DNAI4: variants seen among roughly 807,000 people sequenced by gnomAD.
DNAI4 encodes the protein WD repeat domain 78.
A neutral mutation model predicts 105.8 loss-of-function variants in DNAI4; 85 were observed. That is an observed-to-expected ratio of 0.80 (90% CI 0.67 to 0.96). The LOEUF is 0.96. DNAI4 is among the 40% of genes least tolerant of loss of function. DNAI4 has a pLI of 0.00. For missense variants in DNAI4, 1,014 were observed against 1,005.6 expected, an observed-to-expected ratio of 1.01 and a Z score of -0.11; for synonymous variants, 352 against 331.5, an observed-to-expected ratio of 1.06 and a Z score of -0.67.
At chr1:66,874,751 A>G in intron 5 of DNAI4, 30 bp downstream of exon 5, 1 of 1,579,786 alleles carries the variant, frequency 6.3e-7, no homozygotes. Flanking sequence ...TGAATTACAG[A>G]AACAATGTAG....
At chr1:66,922,765 T>A (rs900218443) in intron 1 of DNAI4, among the ~76,000 whole-genome samples, 1 of 152,224 alleles carries the variant, frequency 6.6e-6, no homozygotes, top group Non-Finnish European at 1.5e-5. Flanking sequence ...ATTTGCCATT[T>A]ACTAAAATGA....
intron 1 of DNAI4, among the ~76,000 whole-genome samples, chr1:66,921,013 A>C (rs1650442275): frequency 6.6e-6 from 1 of 152,252 alleles, no homozygotes; most frequent in Non-Finnish European, 1.5e-5. Context: ...GTACAAAAAC[A>C]GTGTGAAGAG....
In DNAI4 at chr1:66,812,900, C is replaced by A. The variant is rs963417461; in HGVS notation, c.*1230G>T. ...AAGGAACACATTTTTTCAGTTAGAT[C>A]AAGTTTTTTATTTTCTTACACAAGG... On this transcript the variant is annotated 3_prime_UTR_variant, in exon 17 of 17. Transcript: ENST00000371026. The A allele has an allele frequency of 7.2e-5, 11 of 152,250 alleles. No individual in the cohort carries two copies. Among genetic ancestry groups the A allele is most frequent in the African/African-American group, 2.7e-4 (11 of 41,426 alleles). 9.4% of individuals were successfully genotyped at this position (152,250 alleles called of 1,614,324 possible).
chr1:66,816,822 T>C (rs1240565210), intron 16 of DNAI4, among the ~76,000 whole-genome samples: 1 of 151,306 alleles, frequency 6.6e-6, no homozygotes, highest in Non-Finnish European at 1.5e-5. Flanking sequence ...TTTCTGCTTG[T>C]AGAGCATACT....
intron 1 of DNAI4, among the ~76,000 whole-genome samples, chr1:66,910,857 GA>G (rs1649606392): frequency 6.6e-6 from 1 of 152,096 alleles, no homozygotes; most frequent in Non-Finnish European, 1.5e-5. Flanking sequence ...CCCAAGTGTG[GA>G]AAAAACATAA....
chr1:66,909,277 C>CCT (rs1451798536), intron 1 of DNAI4, among the ~76,000 whole-genome samples: 1 of 140,968 alleles, frequency 7.1e-6, no homozygotes. Context: ...ATTGTTGCCA[C>CCT]CTCTCTCTAC....
chr1:66,837,758 T>C lies in DNAI4; in HGVS notation c.1533A>G (p.Lys511=). The stretch of plus-strand genomic sequence containing the variant: ...AGCAAGCCAGTCCTCTTTTTTGCTC[T>C]TTAAATCCAAAGTGCCCATAGCCAA... ...LAVGYGHFGF[K]EQKRGLACCW... Residue 511 remains lysine, a synonymous_variant, in exon 10 of 17, where the codon AAA becomes AAG. Transcript: ENST00000371026. The C allele has an allele frequency of 6.2e-7, 1 of 1,609,580 alleles. No homozygotes were observed. The highest frequency in any genetic ancestry group is 8.5e-7 in the Non-Finnish European group (1 of 1,178,562).
At chr1:66,817,449 T>A (rs889356684) in intron 16 of DNAI4, among the ~76,000 whole-genome samples, 1 of 152,164 alleles carries the variant, frequency 6.6e-6, no homozygotes, top group Non-Finnish European at 1.5e-5. Flanking sequence ...GGTATGCACC[T>A]GTAGTCCCAG....
At chr1:66,886,866 G>A (rs1328102163) in intron 4 of DNAI4, among the ~76,000 whole-genome samples, 1 of 152,116 alleles carries the variant, frequency 6.6e-6, no homozygotes, top group Non-Finnish European at 1.5e-5. Context: ...AGAAATAAAG[G>A]CTGGTGCTAG....
At chr1:66,852,456 T>C (rs973229755) in intron 7 of DNAI4, among the ~76,000 whole-genome samples, 61 of 152,056 alleles carry the variant, frequency 4.0e-4, no homozygotes, top group African/African-American at 1.5e-3. Flanking sequence ...AACATCAACA[T>C]AAAAATCCTT....
chr1:66,820,007 A>G (rs568402391), intron 16 of DNAI4, among the ~76,000 whole-genome samples: 28 of 152,196 alleles, frequency 1.8e-4, no homozygotes, highest in Non-Finnish European at 2.9e-4. Flanking sequence ...ATTTGGATTC[A>G]CTTAAACATT....
At chr1:66,837,399 G>GATCTTAA (rs1646050642) in intron 10 of DNAI4, among the ~76,000 whole-genome samples, 1 of 149,134 alleles carries the variant, frequency 6.7e-6, no homozygotes, top group Non-Finnish European at 1.5e-5. Context: ...ATTTTCAAAG[G>GATCTTAA]ATTTTCATTT....
intron 7 of DNAI4, among the ~76,000 whole-genome samples, chr1:66,861,375 A>G (rs1389529636): frequency 6.6e-6 from 1 of 152,216 alleles, no homozygotes; most frequent in African/African-American, 2.4e-5. Context: ...ATTTTGTAAG[A>G]AAAAGATACA....
chr1:66,907,520 A>C (rs969909667), intron 1 of DNAI4, among the ~76,000 whole-genome samples: 2 of 152,164 alleles, frequency 1.3e-5, no homozygotes, highest in Non-Finnish European at 2.9e-5. Context: ...GTTTAGGCTC[A>C]AATCTTAGTT....
chr1:66,861,560 A>G (rs1646626657), intron 7 of DNAI4, among the ~76,000 whole-genome samples: 1 of 152,234 alleles, frequency 6.6e-6, no homozygotes. Flanking sequence ...AAATTAAAAT[A>G]CTAGAAGCTA....
intron 6 of DNAI4, among the ~76,000 whole-genome samples, chr1:66,867,984 C>T (rs1443374944): frequency 6.6e-6 from 1 of 152,148 alleles, no homozygotes. Flanking sequence ...CCATACCATT[C>T]CTGTACAGAT....
chr1:66,833,953 C>A, intron 12 of DNAI4, 38 bp downstream of exon 12: 1 of 1,556,240 alleles, frequency 6.4e-7, no homozygotes, highest in Non-Finnish European at 8.6e-7. Context: ...TTTAATTCAG[C>A]ACGTAACAAG....
Position 66,827,064 on chromosome 1 carries a change from A to G in DNAI4, c.2113-18T>C. 1.3e-6 allele frequency: 2 copies of G among 1,539,672 alleles called. No individual in the cohort carries two copies. Among genetic ancestry groups the G allele is most frequent in the Non-Finnish European group, 1.8e-6 (2 of 1,127,612 alleles). ...ACTGGACCCTAGAAATAAAAAAAAA[A>G]TACATAGGTAAATAATATTTAACAT... On this transcript the variant is annotated intron_variant, in intron 14 of 16. Transcript: ENST00000371026.
At chr1:66,887,054 T>TAGCTCAGATCCTC (rs140505501) in intron 4 of DNAI4, among the ~76,000 whole-genome samples, 2 of 152,074 alleles carry the variant, frequency 1.3e-5, no homozygotes, top group African/African-American at 4.8e-5. Context: ...CTCAGATCTT[T>TAGCTCAGATCCTC]AGCTCAGATC....
Sources: allele counts gnomAD v4.1 joint callset (sites outside exome capture counted in the v4.1 genomes callset), GRCh38; gene constraint gnomAD v4.1.1; transcripts MANE v1.5; gene names NCBI Gene and HGNC (gene_info 2026-07-23, HGNC 2026-07-21).